Variants in HSD17B13 observed in about 807,000 individuals in gnomAD.
HSD17B13 encodes the protein 17-beta-hydroxysteroid dehydrogenase 13.
A neutral mutation model predicts 31.1 loss-of-function variants in HSD17B13; 26 were observed. The observed-to-expected ratio is 0.84, with a 90% confidence interval of 0.61 to 1.16. The LOEUF (loss-of-function observed/expected upper bound fraction) is 1.16, where lower values mean the gene tolerates loss of function less well. Ranked by LOEUF, HSD17B13 falls within the 50% of genes most tolerant of loss-of-function variation. The probability of loss-of-function intolerance (pLI) is 0.00; values close to 1 mark genes in which losing one functional copy is unlikely to be tolerated. For synonymous variants in HSD17B13, 141 were observed against 133.7 expected (o/e 1.05, Z -0.38); for missense variants, 374 against 366.5 (o/e 1.02, Z -0.17).
Position 87,304,856 on chromosome 4 carries a change from A to C in HSD17B13, c.*362T>G, listed in dbSNP as rs1734351265. On this transcript the variant is annotated 3_prime_UTR_variant, in exon 7 of 7. Transcript: ENST00000328546. The stretch of plus-strand genomic sequence containing the variant: ...GGCTACAGATTGGAATGCTACTTGA[A>C]CAGTCTTAAACCTTCCCTGTGTAAA... The C allele has an allele frequency of 6.3e-6, 1 of 158,200 alleles. No homozygotes were observed. Among genetic ancestry groups the C allele is most frequent in the Non-Finnish European group, 1.4e-5 (1 of 72,242 alleles). 9.8% of individuals were successfully genotyped at this position (158,200 alleles called of 1,614,324 possible).
At chr4:87,315,758 T>C (rs1734638210) in intron 3 of HSD17B13, among the ~76,000 whole-genome samples, 159 bp from the exon 4 acceptor site, 1 of 152,136 alleles carries the variant, frequency 6.6e-6, no homozygotes, top group African/African-American at 2.4e-5. Context: ...TTACAAATGA[T>C]AGAAATAAAG....
chr4:87,305,924 G>A (rs1470704529), intron 6 of HSD17B13, among the ~76,000 whole-genome samples: 1 of 152,060 alleles, frequency 6.6e-6, no homozygotes, highest in African/African-American at 2.4e-5. Flanking sequence ...GTCTTGCAGC[G>A]GAGTACGTTA....
At chr4:87,320,961 A>G (rs1734772960) in intron 1 of HSD17B13, among the ~76,000 whole-genome samples, 2 of 152,224 alleles carry the variant, frequency 1.3e-5, no homozygotes, top group Non-Finnish European at 2.9e-5. Flanking sequence ...TCAGTAGCTT[A>G]AATGTTTAAC....
intron 1 of HSD17B13, among the ~76,000 whole-genome samples, chr4:87,321,395 T>C (rs1335012268): frequency 1.3e-5 from 2 of 152,116 alleles, no homozygotes; most frequent in Non-Finnish European, 2.9e-5. Flanking sequence ...AATTTTAAAA[T>C]TTAAAAAAAA....
At chr4:87,305,377 T>G (rs6827608) in intron 6 of HSD17B13, 69 bp from the exon 7 acceptor site, 2 of 1,080,868 alleles carry the variant, frequency 1.9e-6, no homozygotes, top group African/African-American at 3.2e-5. Context: ...GTTCTGTTTT[T>G]GGTCATTTAG....
At chr4:87,319,783 A>G (rs760586716) in intron 1 of HSD17B13, among the ~76,000 whole-genome samples, 2 of 152,258 alleles carry the variant, frequency 1.3e-5, no homozygotes, top group Admixed American at 1.3e-4. Flanking sequence ...GCCCATAACC[A>G]TAGGACATGG....
rs1289995578 is a variant in HSD17B13 at position 87,303,889 on chromosome 4, T to A, written c.*1329A>T. 1 of 146,336 alleles carries A rather than the reference T, an allele frequency of 6.8e-6. No individual in the cohort carries two copies. The highest frequency in any genetic ancestry group is 1.5e-5 in the Non-Finnish European group (1 of 66,258). 9.1% of individuals were successfully genotyped at this position (146,336 alleles called of 1,614,324 possible). On this transcript the variant is annotated 3_prime_UTR_variant, in exon 7 of 7. Transcript: ENST00000328546. Reference sequence around the variant, plus strand: ...TTTAGTGAATTGTTTTTGTGACTTTTAAAAAAATCATTTGTTTTTAATAAA... The same window carrying A: ...TTTAGTGAATTGTTTTTGTGACTTTAAAAAAAATCATTTGTTTTTAATAAA...
In HSD17B13 at chr4:87,305,166, G is replaced by A. The variant is rs1015833210; in HGVS notation, c.*52C>T. On this transcript the variant is annotated 3_prime_UTR_variant, in exon 7 of 7. Transcript: ENST00000328546. ...AAATAAAGCTTTGCAGCATTGATTC[G>A]AAACTATTCATATCATTATCATGCA... 8 of 1,167,556 alleles carry A rather than the reference G, an allele frequency of 6.9e-6. No homozygotes were observed. Among genetic ancestry groups the A allele is most frequent in the Non-Finnish European group, 8.6e-6 (7 of 816,010 alleles). The allele number at this position is 1,167,556 out of a possible 1,614,324, so 72.3% of individuals were successfully genotyped here. A position where few individuals can be genotyped will look rare whatever the true frequency, so the allele number is the denominator to read the frequency against.
chr4:87,309,952 G>C lies in HSD17B13; in HGVS notation c.812+291C>G, dbSNP rs140297005. 3.3e-5 allele frequency among the ~76,000 whole-genome samples: 5 copies of C among 152,172 alleles called. No individual in the cohort carries two copies. In the South Asian group the frequency reaches 1.0e-3, roughly 32 times the overall value. ...AGACAGGAGGATAACTTGAGGTCAG[G>C]AGTTCGAGTCCAGCCTGGCCAACAT... On this transcript the variant is annotated intron_variant, in intron 6 of 6. Coordinates refer to ENST00000328546, the MANE Select transcript of HSD17B13 (RefSeq NM_178135.5).
intron 4 of HSD17B13, 117 bp from the exon 5 acceptor site, chr4:87,314,077 T>C: frequency 1.4e-6 from 1 of 695,904 alleles, no homozygotes; most frequent in East Asian, 3.1e-5. Flanking sequence ...AATCAGCCAC[T>C]TGTGATTTTT....
At chr4:87,311,830 C>G (rs959977334) in intron 5 of HSD17B13, among the ~76,000 whole-genome samples, 21 of 152,198 alleles carry the variant, frequency 1.4e-4, no homozygotes, top group Non-Finnish European at 7.3e-5. Flanking sequence ...AGCAAGCCAA[C>G]AGAGAGTAAT....
chr4:87,317,546 ATG>A (rs1381685527), intron 2 of HSD17B13, among the ~76,000 whole-genome samples: 1 of 113,430 alleles, frequency 8.8e-6, no homozygotes, highest in Non-Finnish European at 1.9e-5. Flanking sequence ...TTTTTTAAAA[ATG>A]TGTTTTTCTT....
Position 87,310,252 on chromosome 4 carries a change from C to T in HSD17B13, c.803G>A (p.Arg268Lys). The change falls in exon 6 of 7, where the codon AGA becomes AAA. Residue 268 changes from arginine to lysine, a missense_variant. Arg to Lys is a conservative substitution (Grantham distance 26, BLOSUM62 2). Coordinates refer to ENST00000328546, the MANE Select transcript of HSD17B13 (RefSeq NM_178135.5). ...FVPSYINIFL[R>K]LQKFLPERAS... ...TCTGTGCTGTACTTACTTCTGTAGTCTCAGAAAGATATTGATATACGATGG... is the reference window on the plus strand; with the variant it reads ...TCTGTGCTGTACTTACTTCTGTAGTTTCAGAAAGATATTGATATACGATGG... 1 of 1,564,284 alleles carries T rather than the reference C, an allele frequency of 6.4e-7. No individual in the cohort carries two copies. The highest frequency in any genetic ancestry group is 8.6e-7 in the Non-Finnish European group (1 of 1,163,082).
At chr4:87,315,717 A>G in intron 3 of HSD17B13, 118 bp from the exon 4 acceptor site, 1 of 542,136 alleles carries the variant, frequency 1.8e-6, no homozygotes, top group Non-Finnish European at 3.3e-6. Context: ...CAATGAAATA[A>G]AATACTTCCA....
chr4:87,308,442 G>T (rs890127730), intron 6 of HSD17B13, among the ~76,000 whole-genome samples: 1 of 123,238 alleles, frequency 8.1e-6, no homozygotes, highest in African/African-American at 2.9e-5. Flanking sequence ...CAGGTCAGGA[G>T]ATCGAGACCA....
intron 5 of HSD17B13, among the ~76,000 whole-genome samples, chr4:87,311,110 A>G (rs894255837): frequency 1.2e-4 from 18 of 152,304 alleles, no homozygotes; most frequent in African/African-American, 4.1e-4. Context: ...CAGCACTATG[A>G]CAGTTTACAA....
intron 5 of HSD17B13, among the ~76,000 whole-genome samples, chr4:87,311,956 A>C (rs1237281998): frequency 6.6e-6 from 1 of 152,222 alleles, no homozygotes; most frequent in Non-Finnish European, 1.5e-5. Context: ...TCAATGCCTT[A>C]GCCCTTACTA....
At chr4:87,320,312 A>G (rs1734750104) in intron 1 of HSD17B13, among the ~76,000 whole-genome samples, 1 of 151,698 alleles carries the variant, frequency 6.6e-6, no homozygotes. Flanking sequence ...ATTTGTTTCT[A>G]GGTCAGTAGA....
intron 4 of HSD17B13, among the ~76,000 whole-genome samples, chr4:87,314,757 CAT>C (rs1484592039): frequency 2.6e-5 from 4 of 152,244 alleles, no homozygotes; most frequent in Middle Eastern, 3.4e-3. Context: ...ATGACATAGA[CAT>C]GTGTTCATTT....
Sources: gnomAD v4.1 joint callset for allele counts (sites outside exome capture counted in the v4.1 genomes callset) on GRCh38, gnomAD v4.1.1 for gene constraint, MANE v1.5 for transcripts, NCBI Gene and HGNC (gene_info 2026-07-23, HGNC 2026-07-21) for gene names.